ITLN2: variants seen among roughly 807,000 people sequenced by gnomAD.
ITLN2 encodes intelectin 2.
ITLN2 carries 29 observed loss-of-function variants against 39.4 expected under a neutral mutation model. The ratio of observed to expected loss-of-function variants is 0.74; its 90% confidence interval spans 0.55 to 1.00. ITLN2 has a LOEUF of 1.00. ITLN2 is among the 50% of genes least tolerant of loss of function. The pLI, the probability that ITLN2 is intolerant of heterozygous loss-of-function variation, is 0.00. For synonymous variants in ITLN2, 156 were observed against 153.4 expected (o/e 1.02, Z -0.12); for missense variants, 412 against 416.7 (o/e 0.99, Z 0.10).
Position 160,945,164 on chromosome 1 carries a change from C to T in ITLN2, c.954G>A (p.Ala318=), listed in dbSNP as rs774298930. The part of the protein sequence containing the change: ...KSSCSREITE[A]AVLLFYR The stretch of plus-strand genomic sequence containing the variant: ...CTCATCTATAGAACAAGAGTACAGC[C>T]GCCTCCGTTATCTCCCGACTGCAGC... Residue 318 remains alanine (A), a synonymous_variant, in exon 8 of 8, where the codon GCG becomes GCA. Coordinates refer to ENST00000368029, the MANE Select transcript of ITLN2 (RefSeq NM_080878.3). 1.1e-5 allele frequency: 17 copies of T among 1,603,384 alleles called. No homozygotes were observed. The highest frequency in any genetic ancestry group is 9.1e-5 in the East Asian group (4 of 44,116).
chr1:160,950,443 C>T (rs952159610), intron 5 of ITLN2, 110 bp downstream of exon 5: 40 of 1,342,186 alleles, frequency 3.0e-5, no homozygotes, highest in Non-Finnish European at 4.0e-5. Context: ...GGAGAAACAG[C>T]CAACCACTCA....
chr1:160,953,999 G>A (rs1270267752), intron 2 of ITLN2, among the ~76,000 whole-genome samples: 3 of 152,032 alleles, frequency 2.0e-5, no homozygotes, highest in Non-Finnish European at 4.4e-5. Flanking sequence ...CCTCCTCTGC[G>A]ACTAGAGGAG....
At chr1:160,952,413 G>C (rs542222095) in intron 3 of ITLN2, among the ~76,000 whole-genome samples, 98 of 152,266 alleles carry the variant, frequency 6.4e-4, no homozygotes, top group Admixed American at 4.6e-3. Flanking sequence ...GCATCACCAG[G>C]AACACTGCAT....
intron 7 of ITLN2, among the ~76,000 whole-genome samples, chr1:160,946,438 G>A (rs1261563548): frequency 6.6e-6 from 1 of 152,028 alleles, no homozygotes; most frequent in Non-Finnish European, 1.5e-5. Flanking sequence ...CAGGCTGGGC[G>A]TGGTGGCTCA....
intron 5 of ITLN2, among the ~76,000 whole-genome samples, 170 bp downstream of exon 5, chr1:160,950,383 G>C (rs1188387916): frequency 6.6e-6 from 1 of 152,114 alleles, no homozygotes; most frequent in Non-Finnish European, 1.5e-5. Flanking sequence ...TTCCTTGCTG[G>C]CTTAGAGTTT....
intron 2 of ITLN2, among the ~76,000 whole-genome samples, chr1:160,953,668 G>A (rs1323668848): frequency 1.3e-5 from 2 of 151,534 alleles, no homozygotes; most frequent in African/African-American, 2.4e-5. Context: ...CCGACATCAC[G>A]CCACCGCACT....
chr1:160,951,443 G>A, intron 3 of ITLN2, 153 bp from the exon 4 acceptor site: 1 of 958,662 alleles, frequency 1.0e-6, no homozygotes, highest in Non-Finnish European at 1.5e-6. Flanking sequence ...CTTGTGTTCT[G>A]CTCACCTATG....
At chr1:160,949,800 A>C (rs1231214501) in intron 6 of ITLN2, 2 of 440,906 alleles carry the variant, frequency 4.5e-6, no homozygotes, top group South Asian at 7.0e-5. Context: ...CAATTATAAG[A>C]GTATACAAGG....
At position 160,946,606 on chromosome 1, in the gene ITLN2, G is replaced by T. The variant is rs545470706; in HGVS notation, c.826-1314C>A. Among the ~76,000 whole-genome samples the T allele has an allele frequency of 9.3e-5, 14 of 150,286 alleles. No individual in the cohort carries two copies. The East Asian group carries it at 2.8e-3, about 30-fold the overall frequency. On this transcript the variant is annotated intron_variant, in intron 7 of 7. Coordinates refer to ENST00000368029, the MANE Select transcript of ITLN2 (RefSeq NM_080878.3). ...TGGGCCCCTGTAGTCCCAGCAACTC[G>T]GGAGGCTGAGGCAGGAGAATGGCAT...
In ITLN2 at chr1:160,954,448, C is replaced by A; in HGVS notation, c.18G>T (p.Arg6Ser). 6.3e-7 allele frequency: 1 copy of A among 1,577,754 alleles called. No individual in the cohort carries two copies. Among genetic ancestry groups the A allele is most frequent in the Non-Finnish European group, 8.6e-7 (1 of 1,160,030 alleles). ...ACAGGAAGCAGAGTCTGGTCATTGT[C>A]CTCTAAGGAAAAACAAGATGCACAA... The part of the protein sequence containing the change: MLSML[R>S]TMTRLCFLLF... The change falls in exon 2 of 8, where the codon AGG becomes AGT. Residue 6 changes from arginine (R) to serine (S), a missense_variant and splice_region_variant. Arg to Ser is a moderately radical substitution (Grantham distance 110). Transcript: ENST00000368029.
intron 2 of ITLN2, among the ~76,000 whole-genome samples, chr1:160,953,741 A>G (rs1671800994): frequency 6.6e-6 from 1 of 152,136 alleles, no homozygotes. Flanking sequence ...CTCAAGGTAA[A>G]ATCCAGACAA....
Position 160,945,071 on chromosome 1 carries a change from C to A in ITLN2, c.*69G>T. The A allele has an allele frequency of 7.1e-7, 1 of 1,413,096 alleles. No individual in the cohort carries two copies. The highest frequency in any genetic ancestry group is 9.5e-7 in the Non-Finnish European group (1 of 1,050,470). The allele number at this position is 1,413,096 out of a possible 1,614,324, so 87.5% of individuals were successfully genotyped here. A position where few individuals can be genotyped will look rare whatever the true frequency, so the allele number is the denominator to read the frequency against. ...TCTCCTCTCCTCCTTGTTAGAATTC[C>A]AGTTTTTCCGTCTCCAAATAGCCGG... On this transcript the variant is annotated 3_prime_UTR_variant, in exon 8 of 8. Coordinates refer to ENST00000368029, the MANE Select transcript of ITLN2 (RefSeq NM_080878.3).
intron 3 of ITLN2, 118 bp downstream of exon 3, chr1:160,952,502 A>G (rs1671767498): frequency 6.0e-6 from 4 of 663,684 alleles, no homozygotes; most frequent in Admixed American, 2.7e-5. Flanking sequence ...CTCCTTGAGT[A>G]GGAGCTGGGG....
chr1:160,945,298 A>T lies in ITLN2; in HGVS notation c.826-6T>A. On this transcript the variant is annotated splice_polypyrimidine_tract_variant and splice_region_variant and intron_variant, in intron 7 of 7. Transcript: ENST00000368029. ...CCTCCTCCACCGATGCAGTGCTGGG[A>T]AACAGAAAGAAGAAACACTGTGAGG... The T allele has an allele frequency of 1.9e-6, 3 of 1,542,066 alleles. No individual in the cohort carries two copies. Among genetic ancestry groups the T allele is most frequent in the Non-Finnish European group, 2.6e-6 (3 of 1,154,770 alleles).
Position 160,950,678 on chromosome 1 carries a change from G to A in ITLN2, c.475C>T (p.Leu159=), listed in dbSNP as rs372600004. 1.4e-5 allele frequency: 22 copies of A among 1,613,984 alleles called. No homozygotes were observed. Among genetic ancestry groups the A allele is most frequent in the Non-Finnish European group, 1.7e-5 (20 of 1,179,978 alleles). The part of the protein sequence containing the change: ...PGYYDIQAKD[L]GIWHVPNKSP... ...TTGTTGGGCACATGCCAGATGCCCA[G>A]GTCCTTGGCCTGGATGTCGTAGTAG... Residue 159 remains leucine, a synonymous_variant, in exon 5 of 8, where the codon CTG becomes TTG. Transcript: ENST00000368029.
rs182919832 is a variant in ITLN2 at position 160,949,306 on chromosome 1, C to T, written c.721+740G>A. The T allele has an allele frequency of 7.7e-4, 117 of 152,314 alleles. 1 individual carries two copies. Among genetic ancestry groups the T allele is most frequent in the African/African-American group, 2.7e-3 (113 of 41,558 alleles). The allele number at this position is 152,314 out of a possible 1,614,324, so 9.4% of individuals were successfully genotyped here. ...CCAGGGATAAGCAGAAGACAGATGC[C>T]TTCCTCTTATCTCAACTGCAAAGAG... On this transcript the variant is annotated intron_variant, in intron 6 of 7. Transcript: ENST00000368029.
chr1:160,950,831 G>C, intron 4 of ITLN2, 120 bp from the exon 5 acceptor site: 1 of 1,479,554 alleles, frequency 6.8e-7, no homozygotes, highest in Non-Finnish European at 9.2e-7. Context: ...GGCCAGCCAC[G>C]CTCAGACACC....
chr1:160,954,702 C>T (rs1671823370), intron 1 of ITLN2, 25 bp downstream of exon 1: 1 of 1,613,598 alleles, frequency 6.2e-7, no homozygotes, highest in Non-Finnish European at 8.5e-7. Flanking sequence ...CTCCCACACA[C>T]ATGGATCAAA....
chr1:160,951,886 G>A (rs954705801), intron 3 of ITLN2, among the ~76,000 whole-genome samples: 11 of 152,156 alleles, frequency 7.2e-5, no homozygotes, highest in Non-Finnish European at 1.3e-4. Context: ...CCCATCTTTC[G>A]TGGAGGCTGT....
Sources: allele counts gnomAD v4.1 joint callset (sites outside exome capture counted in the v4.1 genomes callset), GRCh38; gene constraint gnomAD v4.1.1; transcripts MANE v1.5; gene names NCBI Gene and HGNC (gene_info 2026-07-23, HGNC 2026-07-21).